Variants in PIP5K1C observed in about 807,000 individuals in gnomAD.
The protein encoded by PIP5K1C is phosphatidylinositol-4-phosphate 5-kinase type 1 gamma.
In PIP5K1C, 45 loss-of-function variants were observed where a neutral mutation model predicts 80.1. The observed-to-expected ratio is 0.56, with a 90% CI of 0.44 to 0.72. PIP5K1C has a LOEUF of 0.72. Among genes scored for constraint, PIP5K1C ranks in the 30% least tolerant of loss-of-function variants. The pLI is 0.00. For synonymous variants in PIP5K1C, 498 were observed against 420.1 expected (o/e 1.19, Z -2.27); for missense variants, 753 against 954.6 (o/e 0.79, Z 2.78).
At chr19:3,664,554 C>G (rs1199566991) in intron 3 of PIP5K1C, among the ~76,000 whole-genome samples, 3 of 152,168 alleles carry the variant, frequency 2.0e-5, no homozygotes, top group Non-Finnish European at 4.4e-5. Context: ...AGGCTCTGCC[C>G]GAGGTTTCAG....
intron 1 of PIP5K1C, among the ~76,000 whole-genome samples, chr19:3,669,475 G>A (rs556958767): frequency 3.0e-4 from 46 of 152,348 alleles, no homozygotes; most frequent in African/African-American, 1.1e-3. Context: ...GTGGGGACCC[G>A]GCTGGGTGTG....
At position 3,656,651 on chromosome 19, in the gene PIP5K1C, G is replaced by A. The variant is rs868606347; in HGVS notation, c.469-94C>T. 2.0e-5 allele frequency: 28 copies of A among 1,412,514 alleles called. No individual in the cohort carries two copies. In the Middle Eastern group the frequency reaches 6.5e-4, roughly 33 times the overall value. 87.5% of individuals were successfully genotyped at this position (1,412,514 alleles called of 1,614,324 possible). ...CTGCCCAACAGCCCCAGGAACTGAT[G>A]ACGGGTCGCTGCATTTTACAGATGC... On this transcript the variant is annotated intron_variant, in intron 5 of 17. Transcript: ENST00000335312.
At chr19:3,664,764 T>A in intron 3 of PIP5K1C, 58 bp downstream of exon 3, 1 of 1,368,440 alleles carries the variant, frequency 7.3e-7, no homozygotes, top group Non-Finnish European at 1.0e-6. Flanking sequence ...ACCAGTGGGA[T>A]CCCCCTCCCC....
chr19:3,647,416 G>A, intron 9 of PIP5K1C, 30 bp from the exon 10 acceptor site: 1 of 1,564,040 alleles, frequency 6.4e-7, no homozygotes, highest in Non-Finnish European at 8.7e-7. Flanking sequence ...AGTGGCAGCT[G>A]ACATCAGCCA....
chr19:3,678,500 A>G (rs2145564865), intron 1 of PIP5K1C, among the ~76,000 whole-genome samples: 1 of 72,784 alleles, frequency 1.4e-5, no homozygotes, highest in Non-Finnish European at 2.7e-5. Context: ...GGCAAGGAGG[A>G]TGGAAGGATG....
At chr19:3,652,273 C>T (rs1030005735) in intron 7 of PIP5K1C, among the ~76,000 whole-genome samples, 14 of 152,234 alleles carry the variant, frequency 9.2e-5, no homozygotes, top group African/African-American at 3.1e-4. Context: ...AGCAGGCTGC[C>T]CCGGGCACTG....
chr19:3,637,102 GC>G lies in PIP5K1C; in HGVS notation c.1920+1781del. ...CTGCGGTTCAGAGCCCGGCCCTGCA[GC>G]CACTCTGCTGACCTGTGCAACCTCC... On this transcript the variant is annotated intron_variant, in intron 16 of 17. Coordinates refer to ENST00000335312, the MANE Select transcript of PIP5K1C (RefSeq NM_012398.3). The surrounding 1 kb of genome is among the most constrained non-coding windows in gnomAD (Gnocchi z 7.0). 7.6e-7 allele frequency: 1 copy of G among 1,307,284 alleles called. No individual in the cohort carries two copies. 81.0% of individuals were successfully genotyped at this position (1,307,284 alleles called of 1,614,324 possible).
chr19:3,663,270 C>G (rs2034898472), intron 3 of PIP5K1C, among the ~76,000 whole-genome samples: 1 of 152,258 alleles, frequency 6.6e-6, no homozygotes, highest in South Asian at 2.1e-4. Context: ...CCTCCGCTCT[C>G]TAATTCCGGT....
chr19:3,648,530 G>A lies in PIP5K1C; in HGVS notation c.1211+95C>T, dbSNP rs9676741. 2.0e-4 allele frequency: 74 copies of A among 373,380 alleles called. No individual in the cohort carries two copies. Among genetic ancestry groups the A allele is most frequent in the Non-Finnish European group, 3.3e-4 (66 of 198,808 alleles). The allele number at this position is 373,380 out of a possible 1,614,324, so 23.1% of individuals were successfully genotyped here. A position where few individuals can be genotyped will look rare whatever the true frequency, so the allele number is the denominator to read the frequency against. On this transcript the variant is annotated intron_variant, in intron 9 of 17. Transcript: ENST00000335312. This position sits in a 1 kb window ranked among gnomAD's most constrained non-coding sequence, Gnocchi z 4.3. The stretch of plus-strand genomic sequence containing the variant: ...CGCCCACCTGTGGGGCTGCAGACCC[G>A]GGCGCCCACCTGTGGGGCTGCAGAC...
At position 3,637,191 on chromosome 19, in the gene PIP5K1C, A is replaced by G. The variant is rs1270928346; in HGVS notation, c.1920+1693T>C. 1.3e-5 allele frequency: 19 copies of G among 1,430,206 alleles called. No homozygotes were observed. Among genetic ancestry groups the G allele is most frequent in the Non-Finnish European group, 1.7e-5 (19 of 1,096,946 alleles). The allele number at this position is 1,430,206 out of a possible 1,614,324, so 88.6% of individuals were successfully genotyped here. On this transcript the variant is annotated intron_variant, in intron 16 of 17. Coordinates refer to ENST00000335312, the MANE Select transcript of PIP5K1C (RefSeq NM_012398.3). The surrounding 1 kb of genome is among the most constrained non-coding windows in gnomAD (Gnocchi z 7.0). ...CACGAGTGAGAAGCGTCCACCCAAGACACCCTGACACGAGAGGGCTGGGTC... is the reference window on the plus strand; with the variant it reads ...CACGAGTGAGAAGCGTCCACCCAAGGCACCCTGACACGAGAGGGCTGGGTC...
chr19:3,667,269 GGCA>G, intron 2 of PIP5K1C, 50 bp downstream of exon 2: 1 of 1,511,848 alleles, frequency 6.6e-7, no homozygotes, highest in South Asian at 1.1e-5. Context: ...CGAGTAGGGA[GGCA>G]GCAGGTCAGG....
At chr19:3,664,124 G>A (rs957290986) in intron 3 of PIP5K1C, among the ~76,000 whole-genome samples, 1 of 152,196 alleles carries the variant, frequency 6.6e-6, no homozygotes, top group African/African-American at 2.4e-5. Context: ...GACACAGAAA[G>A]CCACACAGTG....
At chr19:3,680,284 C>G (rs1414881344) in intron 1 of PIP5K1C, among the ~76,000 whole-genome samples, 2 of 152,160 alleles carry the variant, frequency 1.3e-5, no homozygotes, top group African/African-American at 4.8e-5. Flanking sequence ...AGGCGGCCGG[C>G]TCTCTGTCTA....
intron 1 of PIP5K1C, among the ~76,000 whole-genome samples, chr19:3,699,738 T>G (rs569943990): frequency 6.6e-6 from 1 of 151,782 alleles, no homozygotes; most frequent in South Asian, 2.1e-4. Flanking sequence ...GCCCCACCAG[T>G]GTGTCCTGGG....
At chr19:3,683,893 T>A (rs1434886166) in intron 1 of PIP5K1C, among the ~76,000 whole-genome samples, 5 of 70,882 alleles carry the variant, frequency 7.1e-5, no homozygotes, top group Non-Finnish European at 1.2e-4. Context: ...TCCCCCACAC[T>A]GGAGCCCCTG....
chr19:3,653,525 C>G lies in PIP5K1C; in HGVS notation c.686G>C (p.Gly229Ala), dbSNP rs1384460119. 6 of 1,613,874 alleles carry G rather than the reference C, an allele frequency of 3.7e-6. No individual in the cohort carries two copies. Among genetic ancestry groups the G allele is most frequent in the South Asian group, 3.3e-5 (3 of 91,088 alleles). ...KFYGLYCVQSGGKNIRVVVMN... is the reference protein window; with the variant it reads ...KFYGLYCVQSAGKNIRVVVMN... ...GACCACGACGCGGATGTTCTTGCCCCCCGACTGCACGCAGTACAGCCCATA... is the reference window on the plus strand; with the variant it reads ...GACCACGACGCGGATGTTCTTGCCCGCCGACTGCACGCAGTACAGCCCATA... Residue 229 changes from glycine to alanine, a missense_variant, in exon 7 of 18, where the codon GGG becomes GCG. Around this residue, in one of 6 missense-constraint regions of PIP5K1C, gnomAD observed 139 missense variants for 289.7 expected, o/e 0.48. Coordinates refer to ENST00000335312, the MANE Select transcript of PIP5K1C (RefSeq NM_012398.3).
At chr19:3,638,770 G>T in intron 16 of PIP5K1C, 114 bp downstream of exon 16, 2 of 1,396,758 alleles carry the variant, frequency 1.4e-6, no homozygotes, top group Non-Finnish European at 2.0e-6. Context: ...GGGTCGACAG[G>T]GCACACTCAC....
At chr19:3,645,585 T>C (rs927730202) in intron 11 of PIP5K1C, among the ~76,000 whole-genome samples, 4 of 152,118 alleles carry the variant, frequency 2.6e-5, no homozygotes, top group African/African-American at 9.7e-5. Context: ...TTGGCGATGG[T>C]GATGCTGTGG....
At chr19:3,635,666 G>A (rs2033653513) in intron 16 of PIP5K1C, among the ~76,000 whole-genome samples, 1 of 151,350 alleles carries the variant, frequency 6.6e-6, no homozygotes. Context: ...CTGGGTGACA[G>A]AGTGAGACTC....
Sources: allele counts gnomAD v4.1 joint callset (sites outside exome capture counted in the v4.1 genomes callset), GRCh38; gene constraint gnomAD v4.1.1; regional missense constraint gnomAD v4.1.1; non-coding constraint Gnocchi (gnomAD v3.1); transcripts MANE v1.5; gene names NCBI Gene and HGNC (gene_info 2026-07-23, HGNC 2026-07-21).